The following KLHL1 variants were observed in gnomAD, a reference collection of about 807,000 sequenced individuals.
KLHL1 encodes the protein kelch-like protein 1.
Under a neutral mutation model 77.7 loss-of-function variants are expected in KLHL1, and 47 were observed. That is an observed-to-expected ratio of 0.60 (90% confidence interval 0.48 to 0.77). The LOEUF (loss-of-function observed/expected upper bound fraction) is 0.77. KLHL1 is among the 30% of genes least tolerant of loss of function. KLHL1 has a pLI of 0.00. For missense variants in KLHL1, 925 were observed against 910.8 expected, an observed-to-expected ratio of 1.02 and a Z score of -0.20; for synonymous variants, 360 against 325.2, an observed-to-expected ratio of 1.11 and a Z score of -1.15.
intron 2 of KLHL1, among the ~76,000 whole-genome samples, chr13:69,971,703 A>G (rs1884386364): frequency 6.6e-6 from 1 of 152,054 alleles, no homozygotes; most frequent in South Asian, 2.1e-4. Flanking sequence ...AGAACCATAT[A>G]TTCTACCTTG....
chr13:69,786,545 A>G (rs538237733), intron 7 of KLHL1, among the ~76,000 whole-genome samples: 1 of 152,308 alleles, frequency 6.6e-6, no homozygotes, highest in South Asian at 2.1e-4. Flanking sequence ...CCCACAGCCA[A>G]TATCGTACTG....
chr13:69,774,165 C>G (rs1307532344), intron 7 of KLHL1, among the ~76,000 whole-genome samples: 2 of 151,672 alleles, frequency 1.3e-5, no homozygotes, highest in Non-Finnish European at 2.9e-5. Flanking sequence ...AATAATCAGG[C>G]CTTTCCAGTA....
intron 1 of KLHL1, among the ~76,000 whole-genome samples, chr13:70,081,698 G>T (rs1225602303): frequency 6.6e-6 from 1 of 152,162 alleles, no homozygotes; most frequent in Non-Finnish European, 1.5e-5. Context: ...CCATTGTCAA[G>T]CTTCTTGTAG....
intron 1 of KLHL1, among the ~76,000 whole-genome samples, chr13:70,063,470 A>T (rs773875203): frequency 2.6e-5 from 4 of 152,098 alleles, no homozygotes; most frequent in African/African-American, 4.8e-5. Context: ...TAGTGTTTAC[A>T]TTGTTAATTT....
chr13:69,732,540 A>G (rs1479016844), intron 8 of KLHL1, among the ~76,000 whole-genome samples: 1 of 152,156 alleles, frequency 6.6e-6, no homozygotes, highest in African/African-American at 2.4e-5. Context: ...TAAATCTCTG[A>G]AAACCACTTT....
At chr13:70,076,051 A>G (rs564562627) in intron 1 of KLHL1, among the ~76,000 whole-genome samples, 24 of 151,878 alleles carry the variant, frequency 1.6e-4, no homozygotes, top group Non-Finnish European at 3.4e-4. Flanking sequence ...TTAAGATGCG[A>G]GTTCTCCCAA....
chr13:69,764,849 A>AATGCAATC (rs1875197725), intron 7 of KLHL1, among the ~76,000 whole-genome samples: 1 of 150,734 alleles, frequency 6.6e-6, no homozygotes, highest in Non-Finnish European at 1.5e-5. Flanking sequence ...GAGGGTGCAT[A>AATGCAATC]ATGCAATCAT....
At chr13:70,096,821 T>C (rs114045121) in intron 1 of KLHL1, among the ~76,000 whole-genome samples, 3,812 of 152,048 alleles carry the variant, frequency 0.025, 112 homozygotes, top group African/African-American at 0.071. Context: ...CTACCTCCTA[T>C]TGCAGGGAAA....
At chr13:70,061,887 T>C (rs1301364855) in intron 1 of KLHL1, among the ~76,000 whole-genome samples, 1 of 152,202 alleles carries the variant, frequency 6.6e-6, no homozygotes, top group Admixed American at 6.5e-5. Flanking sequence ...CATGTAATGA[T>C]CAAATCAGGG....
chr13:69,945,542 C>A (rs1883499183), intron 3 of KLHL1, among the ~76,000 whole-genome samples: 1 of 151,040 alleles, frequency 6.6e-6, no homozygotes, highest in Admixed American at 6.6e-5. Flanking sequence ...GTTTGCAAAT[C>A]ATATCTGATA....
At chr13:69,991,330 C>A (rs184852059) in intron 1 of KLHL1, among the ~76,000 whole-genome samples, 5 of 151,696 alleles carry the variant, frequency 3.3e-5, no homozygotes, top group Admixed American at 6.6e-5. Flanking sequence ...AATATAGAGA[C>A]ACACAAAAAA....
chr13:70,013,442 T>C (rs1885585457), intron 1 of KLHL1, among the ~76,000 whole-genome samples: 1 of 152,160 alleles, frequency 6.6e-6, no homozygotes, highest in African/African-American at 2.4e-5. Flanking sequence ...CAGGTTTCTT[T>C]CCTTGTTGCT....
intron 1 of KLHL1, among the ~76,000 whole-genome samples, chr13:70,049,970 G>A (rs1331809519): frequency 6.6e-6 from 1 of 151,640 alleles, no homozygotes; most frequent in Non-Finnish European, 1.5e-5. Flanking sequence ...AAATGAATCA[G>A]ACTAATAGAT....
intron 1 of KLHL1, among the ~76,000 whole-genome samples, chr13:70,026,705 TG>T (rs954816405): frequency 1.6e-4 from 19 of 121,092 alleles, no homozygotes; most frequent in African/African-American, 8.6e-4. Context: ...GAACTTAGGG[TG>T]TGTGTGTGTG....
intron 1 of KLHL1, among the ~76,000 whole-genome samples, chr13:70,037,736 C>A (rs1010009401): frequency 1.3e-5 from 2 of 151,948 alleles, no homozygotes; most frequent in African/African-American, 4.8e-5. Flanking sequence ...TAACTATTTC[C>A]AGTTCAGAAG....
intron 7 of KLHL1, among the ~76,000 whole-genome samples, chr13:69,762,394 T>C (rs955682063): frequency 6.6e-6 from 1 of 152,116 alleles, no homozygotes; most frequent in Non-Finnish European, 1.5e-5. Flanking sequence ...GACTAAGTGC[T>C]GCAAGGCTTT....
intron 1 of KLHL1, among the ~76,000 whole-genome samples, chr13:70,046,146 G>T (rs1030321217): frequency 2.0e-5 from 3 of 152,070 alleles, no homozygotes; most frequent in Non-Finnish European, 4.4e-5. Flanking sequence ...TGTAGGCAGA[G>T]GATACAACCA....
chr13:69,914,314 T>A (rs1882345912), intron 4 of KLHL1, among the ~76,000 whole-genome samples: 1 of 152,196 alleles, frequency 6.6e-6, no homozygotes, highest in African/African-American at 2.4e-5. Context: ...ACAATAAAAT[T>A]TCTAAATTAT....
chr13:69,942,956 T>A (rs2138306049), intron 3 of KLHL1, among the ~76,000 whole-genome samples: 1 of 152,294 alleles, frequency 6.6e-6, no homozygotes, highest in African/African-American at 2.4e-5. Flanking sequence ...TTAGATTCCT[T>A]TTATCTAGAA....
Sources: allele counts gnomAD v4.1 joint callset (sites outside exome capture counted in the v4.1 genomes callset), GRCh38; gene constraint gnomAD v4.1.1; transcripts MANE v1.5; gene names NCBI Gene and HGNC (gene_info 2026-07-23, HGNC 2026-07-21).